Variants in LRFN5 observed in about 807,000 individuals in gnomAD.
LRFN5 encodes leucine rich repeat and fibronectin type III domain containing 5, also known as leucine-rich repeat and fibronectin type-III domain-containing protein 5.
LRFN5 carries 24 observed loss-of-function variants against 45.6 expected under a neutral mutation model. The observed-to-expected ratio is 0.53, with a 90% CI of 0.38 to 0.74. The LOEUF (loss-of-function observed/expected upper bound fraction) is 0.74. Ranked by LOEUF, LRFN5 falls within the 30% of genes least tolerant of loss-of-function variation. The pLI, the probability that LRFN5 is intolerant of heterozygous loss-of-function variation, is 0.00. For missense variants in LRFN5, 776 were observed against 861.5 expected (o/e 0.90, Z 1.24); for synonymous variants, 340 against 313.8 (o/e 1.08, Z -0.88).
chr14:41,671,865 G>A (rs773350451), intron 1 of LRFN5, among the ~76,000 whole-genome samples: 4 of 151,938 alleles, frequency 2.6e-5, no homozygotes, highest in African/African-American at 7.3e-5. Context: ...TTATCCGCCC[G>A]CCTTGGCCTC....
intron 2 of LRFN5, among the ~76,000 whole-genome samples, chr14:41,875,047 TTGAGA>T (rs1890142043): frequency 6.6e-6 from 1 of 152,210 alleles, no homozygotes; most frequent in South Asian, 2.1e-4. Flanking sequence ...GAACTACAAA[TTGAGA>T]TGAGATTTGG....
In LRFN5 at chr14:41,891,422, A is replaced by G. The variant is rs750924222; in HGVS notation, c.1558A>G (p.Met520Val). The G allele has an allele frequency of 6.2e-7, 1 of 1,614,012 alleles. No individual in the cohort carries two copies. Among genetic ancestry groups the G allele is most frequent in the Admixed American group, 1.7e-5 (1 of 59,990 alleles). The stretch of plus-strand genomic sequence containing the variant: ...ACAGGATTATGTGCGTTGCCATTTC[A>G]TGCAGTCTCAGTTTTTGGGAGGCAC... ...TEQDYVRCHF[M>V]QSQFLGGTMI... The change falls in exon 4 of 6, where the codon ATG becomes GTG. Residue 520 changes from methionine (M) to valine (V), a missense_variant. This residue lies in a region of LRFN5 where 465 missense variants were observed against 456.4 expected (regional missense o/e 1.02). Coordinates refer to ENST00000298119, the MANE Select transcript of LRFN5 (RefSeq NM_152447.5).
At chr14:41,797,672 T>G in intron 2 of LRFN5, among the ~76,000 whole-genome samples, 1 of 151,642 alleles carries the variant, frequency 6.6e-6, no homozygotes, top group East Asian at 1.9e-4. Flanking sequence ...AGTTTTTACA[T>G]ATTTATGTAT....
chr14:41,785,566 G>A (rs1886689078), intron 2 of LRFN5, among the ~76,000 whole-genome samples: 2 of 152,072 alleles, frequency 1.3e-5, no homozygotes, highest in Admixed American at 1.3e-4. Context: ...TTTCGTGGAA[G>A]GTGATTTTTC....
In LRFN5 at chr14:41,652,381, C is replaced by G. The variant is rs562791515; in HGVS notation, c.-197+43819C>G. Among the ~76,000 whole-genome samples the G allele has an allele frequency of 1.9e-4, 29 of 152,052 alleles. 1 individual carries two copies. In the South Asian group the frequency reaches 5.8e-3, roughly 30 times the overall value. ...ATTGTTAAATCAATAAGTCAGTTAA[C>G]AAATAATTGTAGAGTGGGCTAGGCG... On this transcript the variant is annotated intron_variant, in intron 1 of 5. Coordinates refer to ENST00000298119, the MANE Select transcript of LRFN5 (RefSeq NM_152447.5).
chr14:41,628,351 C>T (rs1425988220), intron 1 of LRFN5, among the ~76,000 whole-genome samples: 2 of 152,078 alleles, frequency 1.3e-5, no homozygotes, highest in Non-Finnish European at 2.9e-5. Flanking sequence ...TTTATTCATT[C>T]AACAAATATT....
At chr14:41,859,333 C>A (rs932030899) in intron 2 of LRFN5, among the ~76,000 whole-genome samples, 1 of 152,194 alleles carries the variant, frequency 6.6e-6, no homozygotes, top group Non-Finnish European at 1.5e-5. Context: ...TATTCACTTT[C>A]TATGTTCCCT....
At chr14:41,800,264 T>C (rs1887280702) in intron 2 of LRFN5, among the ~76,000 whole-genome samples, 1 of 151,796 alleles carries the variant, frequency 6.6e-6, no homozygotes, top group African/African-American at 2.4e-5. Context: ...TGTTGTTTCT[T>C]AAAATACTGA....
At chr14:41,640,950 A>G (rs909437763) in intron 1 of LRFN5, among the ~76,000 whole-genome samples, 2 of 152,234 alleles carry the variant, frequency 1.3e-5, no homozygotes, top group African/African-American at 4.8e-5. Context: ...ACATTACCTT[A>G]ACAACTATAT....
chr14:41,801,326 T>G (rs990934682), intron 2 of LRFN5, among the ~76,000 whole-genome samples: 1 of 152,172 alleles, frequency 6.6e-6, no homozygotes, highest in Non-Finnish European at 1.5e-5. Flanking sequence ...CAACTAATGA[T>G]AGGGATTCAA....
chr14:41,783,560 A>G (rs903556000), intron 2 of LRFN5, among the ~76,000 whole-genome samples: 1 of 152,112 alleles, frequency 6.6e-6, no homozygotes, highest in Non-Finnish European at 1.5e-5. Context: ...TTGGTAGTTT[A>G]GAGGTTTCAA....
intron 2 of LRFN5, among the ~76,000 whole-genome samples, chr14:41,809,719 GCAAA>G (rs887024368): frequency 5.3e-5 from 8 of 150,474 alleles, no homozygotes; most frequent in African/African-American, 2.0e-4. Flanking sequence ...TTAAATTATG[GCAAA>G]CAAAGAAAGA....
chr14:41,828,341 C>A (rs1665494091), intron 2 of LRFN5, among the ~76,000 whole-genome samples: 1 of 151,926 alleles, frequency 6.6e-6, no homozygotes, highest in Non-Finnish European at 1.5e-5. Context: ...AACAAATCAT[C>A]TATTTTGTAG....
intron 1 of LRFN5, among the ~76,000 whole-genome samples, chr14:41,710,670 G>A (rs1222845136): frequency 5.9e-5 from 9 of 151,886 alleles, no homozygotes; most frequent in Non-Finnish European, 1.2e-4. Flanking sequence ...TGCACAACAT[G>A]CATGTTTGTT....
chr14:41,788,474 G>A (rs1886807506), intron 2 of LRFN5, among the ~76,000 whole-genome samples: 1 of 151,904 alleles, frequency 6.6e-6, no homozygotes, highest in Admixed American at 6.6e-5. Context: ...GAATGCAATT[G>A]GGAAGAAGTA....
chr14:41,846,881 T>TTGGTCTATG (rs1341860655), intron 2 of LRFN5, among the ~76,000 whole-genome samples: 1 of 152,152 alleles, frequency 6.6e-6, no homozygotes, highest in East Asian at 1.9e-4. Context: ...ACCCATATTC[T>TTGGTCTATG]TGGTCTATGG....
chr14:41,694,909 G>C (rs2415688), intron 1 of LRFN5, among the ~76,000 whole-genome samples: 85,875 of 151,626 alleles, frequency 0.57, 26,471 homozygotes, highest in East Asian at 0.98. Flanking sequence ...ATGTCTCTCA[G>C]TATAAATCAA....
chr14:41,870,081 T>C (rs1318673434), intron 2 of LRFN5, among the ~76,000 whole-genome samples: 1 of 152,148 alleles, frequency 6.6e-6, no homozygotes, highest in Non-Finnish European at 1.5e-5. Context: ...ACATCTTAGC[T>C]GGGTCTTCTG....
chr14:41,784,628 T>A (rs978881747), intron 2 of LRFN5, among the ~76,000 whole-genome samples: 1 of 65,474 alleles, frequency 1.5e-5, no homozygotes, highest in African/African-American at 8.6e-5. Context: ...TATGTGTGTG[T>A]GTTTGTGTGT....
Sources: gnomAD v4.1 joint callset for allele counts (sites outside exome capture counted in the v4.1 genomes callset) on GRCh38, gnomAD v4.1.1 for gene constraint, gnomAD v4.1.1 regional missense constraint, MANE v1.5 for transcripts, NCBI Gene and HGNC (gene_info 2026-07-23, HGNC 2026-07-21) for gene names.